Variants in IGSF11 observed in about 807,000 individuals in gnomAD.
IGSF11 encodes the protein immunoglobulin superfamily member 11, also known as CXADR like 1.
Under a neutral mutation model 41.0 loss-of-function variants are expected in IGSF11, and 22 were observed. The observed-to-expected ratio is 0.54, with a 90% CI of 0.38 to 0.77. The LOEUF is 0.77. Ranked by LOEUF, IGSF11 falls within the 30% of genes least tolerant of loss-of-function variation. The pLI is 0.00. For missense variants in IGSF11, 444 were observed against 530.8 expected (o/e 0.84, Z 1.61); for synonymous variants, 219 against 201.3 (o/e 1.09, Z -0.74).
intron 1 of IGSF11, among the ~76,000 whole-genome samples, chr3:119,144,123 C>T (rs979832342): frequency 6.6e-5 from 10 of 151,820 alleles, no homozygotes; most frequent in African/African-American, 2.4e-4. Flanking sequence ...ACAATCATGG[C>T]TCAGACAGCC....
At chr3:119,058,501 TAAG>T (rs1941937438) in intron 1 of IGSF11, among the ~76,000 whole-genome samples, 2 of 151,648 alleles carry the variant, frequency 1.3e-5, no homozygotes, top group Non-Finnish European at 3.0e-5. Flanking sequence ...TGTGGAGAAA[TAAG>T]AACACTTTTA....
intron 4 of IGSF11, 89 bp from the exon 5 acceptor site, chr3:118,905,807 C>T: frequency 7.1e-7 from 1 of 1,403,936 alleles, no homozygotes; most frequent in Non-Finnish European, 9.8e-7. Context: ...AACAGACGAA[C>T]ACTGGAGAGC....
intron 1 of IGSF11, among the ~76,000 whole-genome samples, chr3:119,052,481 G>T (rs1466441321): frequency 5.9e-5 from 8 of 135,096 alleles, no homozygotes; most frequent in African/African-American, 2.2e-4. Context: ...GAAGGAGGAA[G>T]AGAGGGAGGG....
chr3:119,072,941 T>C (rs1471313954), intron 1 of IGSF11, among the ~76,000 whole-genome samples: 4 of 152,146 alleles, frequency 2.6e-5, no homozygotes, highest in African/African-American at 9.7e-5. Context: ...CGGGTGCTGA[T>C]TGGTGCATTT....
At chr3:119,057,513 G>C (rs1941893248) in intron 1 of IGSF11, among the ~76,000 whole-genome samples, 1 of 152,180 alleles carries the variant, frequency 6.6e-6, no homozygotes, top group Admixed American at 6.5e-5. Context: ...CTCATGGGTA[G>C]GAAGAATTGA....
intron 1 of IGSF11, among the ~76,000 whole-genome samples, chr3:119,069,592 T>C (rs1942339800): frequency 6.6e-6 from 1 of 152,086 alleles, no homozygotes; most frequent in Non-Finnish European, 1.5e-5. Flanking sequence ...GCAGGGTAGG[T>C]GATAGAAAAC....
Position 118,940,479 on chromosome 3 carries a change from G to T in IGSF11, c.53-10204C>A, listed in dbSNP as rs751500655. Among the ~76,000 whole-genome samples the T allele has an allele frequency of 2.0e-5, 3 of 152,194 alleles. No individual in the cohort carries two copies. The East Asian group carries it at 5.8e-4, about 29-fold the overall frequency. On this transcript the variant is annotated intron_variant, in intron 1 of 6. Coordinates refer to ENST00000393775, the MANE Select transcript of IGSF11 (RefSeq NM_001015887.3). ...TAGGGATAACCTTCAGAAAATATCT[G>T]TAAGATCTGTGCAATGAAAATTACA...
chr3:118,974,587 T>G (rs531897337), intron 1 of IGSF11, among the ~76,000 whole-genome samples: 4 of 152,346 alleles, frequency 2.6e-5, no homozygotes, highest in Admixed American at 6.5e-5. Context: ...CATTTGTGGT[T>G]GCAGTACCTA....
chr3:118,908,715 CG>C (rs747023207), intron 4 of IGSF11, among the ~76,000 whole-genome samples: 8 of 152,202 alleles, frequency 5.3e-5, no homozygotes, highest in Non-Finnish European at 1.0e-4. Context: ...TCACCAGCTA[CG>C]TATCTGGCAC....
chr3:118,952,893 AT>A (rs1434581436), intron 1 of IGSF11, among the ~76,000 whole-genome samples: 1 of 152,030 alleles, frequency 6.6e-6, no homozygotes, highest in Non-Finnish European at 1.5e-5. Flanking sequence ...TCTTAAAATT[AT>A]TTTTTAACTT....
intron 1 of IGSF11, among the ~76,000 whole-genome samples, chr3:119,072,520 T>G (rs1247849350): frequency 6.6e-6 from 1 of 152,200 alleles, no homozygotes; most frequent in Non-Finnish European, 1.5e-5. Context: ...CGGAGTTTGC[T>G]CCTTCTGATG....
chr3:118,971,501 A>C (rs941003995), intron 1 of IGSF11, among the ~76,000 whole-genome samples: 1 of 152,150 alleles, frequency 6.6e-6, no homozygotes, highest in African/African-American at 2.4e-5. Context: ...AAGGGAAAAT[A>C]AACGATATGA....
upstream of IGSF11, among the ~76,000 whole-genome samples, chr3:119,107,540 C>T: frequency 2.0e-5 from 3 of 151,446 alleles, no homozygotes; most frequent in Middle Eastern, 3.2e-3. Context: ...TGTAGGTTGC[C>T]TGTTCACTCT....
chr3:119,083,240 C>T (rs1179385737), intron 1 of IGSF11, among the ~76,000 whole-genome samples: 1 of 151,430 alleles, frequency 6.6e-6, no homozygotes, highest in African/African-American at 2.4e-5. Flanking sequence ...CCACCTCAGC[C>T]TCACGAGGAG....
chr3:118,916,301 C>T (rs1941082102), intron 4 of IGSF11, among the ~76,000 whole-genome samples: 1 of 152,066 alleles, frequency 6.6e-6, no homozygotes, highest in African/African-American at 2.4e-5. Flanking sequence ...AATTAAAAGA[C>T]ACAGACTGGC....
At chr3:119,095,512 G>T (rs1372402549) in intron 1 of IGSF11, among the ~76,000 whole-genome samples, 1 of 152,118 alleles carries the variant, frequency 6.6e-6, no homozygotes, top group East Asian at 1.9e-4. Flanking sequence ...AAGGGTCTAG[G>T]ATTTTACTCT....
chr3:119,137,762 T>TGC (rs2077582386), intron 1 of IGSF11, among the ~76,000 whole-genome samples: 1 of 151,904 alleles, frequency 6.6e-6, no homozygotes, highest in African/African-American at 2.4e-5. Flanking sequence ...AACAATGAAG[T>TGC]GAATAGACAA....
intron 6 of IGSF11, among the ~76,000 whole-genome samples, chr3:118,903,751 A>C (rs959254564): frequency 2.6e-5 from 4 of 152,216 alleles, no homozygotes; most frequent in African/African-American, 9.6e-5. Context: ...TCCTACACCT[A>C]AGAAACCTAT....
At chr3:118,906,156 G>GA (rs1474920588) in intron 4 of IGSF11, among the ~76,000 whole-genome samples, 1 of 152,220 alleles carries the variant, frequency 6.6e-6, no homozygotes, top group Non-Finnish European at 1.5e-5. Context: ...CTAAGGTATA[G>GA]ACTGTTACTC....
Sources: gnomAD v4.1 joint callset for allele counts (sites outside exome capture counted in the v4.1 genomes callset) on GRCh38, gnomAD v4.1.1 for gene constraint, MANE v1.5 for transcripts, NCBI Gene and HGNC (gene_info 2026-07-23, HGNC 2026-07-21) for gene names.